Variants in PHF12 observed in about 807,000 individuals in gnomAD.
PHF12 encodes PHD finger protein 12, also known as PHD factor 1.
A neutral mutation model predicts 99.8 loss-of-function variants in PHF12; 6 were observed. The ratio of observed to expected loss-of-function variants is 0.06; its 90% CI spans 0.03 to 0.12. PHF12 has a LOEUF of 0.12. Ranked by LOEUF, PHF12 falls within the 10% of genes least tolerant of loss-of-function variation. The pLI, the probability that PHF12 is intolerant of heterozygous loss-of-function variation, is 1.00. For missense variants in PHF12, 954 were observed against 1,300.1 expected (o/e 0.73, Z 4.09); for synonymous variants, 480 against 514.9 (o/e 0.93, Z 0.92).
chr17:28,938,642 TTTGGG>T (rs1358905120), intron 2 of PHF12, among the ~76,000 whole-genome samples: 1 of 152,138 alleles, frequency 6.6e-6, no homozygotes, highest in African/African-American at 2.4e-5. Flanking sequence ...AATAATACTA[TTTGGG>T]CCATGCCAGC....
At chr17:28,935,649 T>C (rs897440418) in intron 2 of PHF12, among the ~76,000 whole-genome samples, 7 of 152,234 alleles carry the variant, frequency 4.6e-5, no homozygotes, top group Non-Finnish European at 1.0e-4. Context: ...AGTAAAGCCC[T>C]AAATCTTCAG....
intron 12 of PHF12, chr17:28,908,569 C>T (rs945482479): frequency 5.4e-6 from 3 of 559,182 alleles, no homozygotes; most frequent in African/African-American, 1.9e-5. Context: ...TTCCTCCTGC[C>T]TTGTCCTCCC....
rs890341606 is a variant in PHF12, at chr17:28,949,421, C to T, written c.248+644G>A. Among the ~76,000 whole-genome samples the T allele has an allele frequency of 1.3e-5, 2 of 152,240 alleles. No homozygotes were observed. Among genetic ancestry groups the T allele is most frequent in the African/African-American group, 4.8e-5 (2 of 41,472 alleles). ...CCCAGACGGGGCCCCCGAGGAGCTT[C>T]TGCAGAAAGGACTCTGGGGCTGTCC... On this transcript the variant is annotated intron_variant, in intron 2 of 14. Transcript: ENST00000332830. This position sits in a 1 kb window ranked among gnomAD's most constrained non-coding sequence, Gnocchi z 4.6.
At chr17:28,947,060 T>C (rs990106199) in intron 2 of PHF12, among the ~76,000 whole-genome samples, 1 of 151,706 alleles carries the variant, frequency 6.6e-6, no homozygotes, top group African/African-American at 2.4e-5. Flanking sequence ...CTCGGCTCAC[T>C]ACAACCTCTG....
intron 8 of PHF12, 80 bp downstream of exon 8, chr17:28,913,799 C>T: frequency 2.0e-6 from 3 of 1,531,872 alleles, no homozygotes; most frequent in South Asian, 1.2e-5. Flanking sequence ...ATGAGAATGA[C>T]ACTGAGGCTA....
Position 28,910,956 on chromosome 17 carries a change from C to T in PHF12, c.2215+156G>A, listed in dbSNP as rs2039948706. Reference sequence around the variant, plus strand: ...AGAAGGAGCTTTCTTTTTCACCCCGCCCCCCCATCCAAAAGGATACTCCTC... The same window carrying T: ...AGAAGGAGCTTTCTTTTTCACCCCGTCCCCCCATCCAAAAGGATACTCCTC... On this transcript the variant is annotated intron_variant, in intron 10 of 14. Coordinates refer to ENST00000332830, the MANE Select transcript of PHF12 (RefSeq NM_001033561.2). 10 of 1,007,080 alleles carry T rather than the reference C, an allele frequency of 9.9e-6. 1 individual carries two copies. In the South Asian group the frequency reaches 1.4e-4, roughly 14 times the overall value. 62.4% of individuals were successfully genotyped at this position (1,007,080 alleles called of 1,614,324 possible). A position where few individuals can be genotyped will look rare whatever the true frequency, so the allele number is the denominator to read the frequency against.
chr17:28,924,874 C>G (rs949988536), intron 3 of PHF12: 2 of 154,504 alleles, frequency 1.3e-5, no homozygotes, highest in African/African-American at 4.9e-5. Context: ...TCGCTTGAAC[C>G]TGGGAGGCAA....
chr17:28,910,173 G>A (rs1170428387), intron 11 of PHF12, 53 bp downstream of exon 11: 13 of 1,612,272 alleles, frequency 8.1e-6, no homozygotes, highest in African/African-American at 2.7e-5. Flanking sequence ...GTGACCATTC[G>A]CACACGTAGA....
intron 2 of PHF12, among the ~76,000 whole-genome samples, chr17:28,932,600 C>T (rs1024131926): frequency 6.6e-5 from 10 of 152,198 alleles, no homozygotes; most frequent in African/African-American, 2.2e-4. Flanking sequence ...TGCAGCCTCA[C>T]GGTACTCATG....
intron 5 of PHF12, 137 bp downstream of exon 5, chr17:28,921,551 T>C: frequency 1.8e-6 from 2 of 1,113,056 alleles, no homozygotes; most frequent in Admixed American, 2.3e-5. Flanking sequence ...GTCAGTCCAT[T>C]AGTTAGTCTC....
intron 5 of PHF12, 56 bp downstream of exon 5, chr17:28,921,629 GAGA>G: frequency 1.3e-6 from 2 of 1,581,916 alleles, no homozygotes; most frequent in South Asian, 1.1e-5. Flanking sequence ...GAGGTGATGA[GAGA>G]AAAAGTATCA....
chr17:28,931,617 T>C (rs1203761949), intron 2 of PHF12, among the ~76,000 whole-genome samples: 2 of 146,132 alleles, frequency 1.4e-5, no homozygotes, highest in East Asian at 4.2e-4. Context: ...AGTCTCACCG[T>C]ATCACCCAAG....
At chr17:28,919,296 C>T (rs771916113) in intron 5 of PHF12, 21 bp from the exon 6 acceptor site, 2 of 1,608,598 alleles carry the variant, frequency 1.2e-6, no homozygotes, top group Non-Finnish European at 1.7e-6. Context: ...GAGATGTTGG[C>T]CATTTCTGTG....
chr17:28,905,798 G>A lies in PHF12; in HGVS notation c.*385C>T, dbSNP rs2039861941. 5.8e-6 allele frequency: 1 copy of A among 171,176 alleles called. No homozygotes were observed. The highest frequency in any genetic ancestry group is 1.6e-4 in the East Asian group (1 of 6,352). The allele number at this position is 171,176 out of a possible 1,614,324, so 10.6% of individuals were successfully genotyped here. On this transcript the variant is annotated 3_prime_UTR_variant, in exon 15 of 15. Coordinates refer to ENST00000332830, the MANE Select transcript of PHF12 (RefSeq NM_001033561.2). ...CTTTTAATATAAAACTATTGTCACT[G>A]CCACAAAATAGAACAAGTTTCTGAT...
chr17:28,927,701 C>T (rs1367171740), intron 2 of PHF12: 5 of 152,512 alleles, frequency 3.3e-5, no homozygotes, highest in African/African-American at 9.6e-5. Flanking sequence ...ACTTCCAAAG[C>T]TTGGCCTTAA....
chr17:28,912,394 T>A (rs2039975324), intron 9 of PHF12, 88 bp downstream of exon 9: 5 of 1,486,116 alleles, frequency 3.4e-6, no homozygotes, highest in Non-Finnish European at 3.6e-6. Context: ...TCTGAAGTAT[T>A]CACAGGGATA....
At chr17:28,940,157 AGAAAT>A (rs1446884983) in intron 2 of PHF12, among the ~76,000 whole-genome samples, 3 of 152,254 alleles carry the variant, frequency 2.0e-5, no homozygotes, top group African/African-American at 7.2e-5. Context: ...TTAGGGGAAA[AGAAAT>A]TTTCACCTTG....
At position 28,906,711 on chromosome 17, in the gene PHF12, T is replaced by C; in HGVS notation, c.2680+145A>G. 7.5e-7 allele frequency: 1 copy of C among 1,340,402 alleles called. No homozygotes were observed. Among genetic ancestry groups the C allele is most frequent in the South Asian group, 1.4e-5 (1 of 69,542 alleles). The allele number at this position is 1,340,402 out of a possible 1,614,324, so 83.0% of individuals were successfully genotyped here. A position where few individuals can be genotyped will look rare whatever the true frequency, so the allele number is the denominator to read the frequency against. On this transcript the variant is annotated intron_variant, in intron 14 of 14. Coordinates refer to ENST00000332830, the MANE Select transcript of PHF12 (RefSeq NM_001033561.2). The surrounding 1 kb of genome is among the most constrained non-coding windows in gnomAD (Gnocchi z 4.2). ...ACACATGGGGGTACTCAGCACTTGC[T>C]TCTCTGTGGCCTGCCCTGGGCCCAC...
intron 7 of PHF12, among the ~76,000 whole-genome samples, chr17:28,915,533 T>C (rs1035386675): frequency 1.3e-5 from 2 of 152,022 alleles, no homozygotes; most frequent in Non-Finnish European, 1.5e-5. Flanking sequence ...CATGGGCTGG[T>C]GATGGCCTTA....
Sources: allele counts gnomAD v4.1 joint callset (sites outside exome capture counted in the v4.1 genomes callset), GRCh38; gene constraint gnomAD v4.1.1; non-coding constraint Gnocchi (gnomAD v3.1); transcripts MANE v1.5; gene names NCBI Gene and HGNC (gene_info 2026-07-23, HGNC 2026-07-21).